PIK3CD: variants seen among roughly 807,000 people sequenced by gnomAD.
PIK3CD encodes phosphatidylinositol 4,5-bisphosphate 3-kinase catalytic subunit delta isoform.
PIK3CD carries 20 observed loss-of-function variants against 122.9 expected under a neutral mutation model. That is an observed-to-expected ratio of 0.16 (90% CI 0.11 to 0.24). The LOEUF (loss-of-function observed/expected upper bound fraction) is 0.24. PIK3CD is among the 10% of genes least tolerant of loss of function. The pLI, the probability that PIK3CD is intolerant of heterozygous loss-of-function variation, is 1.00. For synonymous variants in PIK3CD, 596 were observed against 593.4 expected (o/e 1.00, Z -0.06); for missense variants, 787 against 1,406.3 (o/e 0.56, Z 7.04).
chr1:9,727,336 G>A lies in PIK3CD; in HGVS notation c.*290G>A. The A allele has an allele frequency of 2.0e-6, 1 of 497,156 alleles. No individual in the cohort carries two copies. 30.8% of individuals were successfully genotyped at this position (497,156 alleles called of 1,614,324 possible). On this transcript the variant is annotated 3_prime_UTR_variant, in exon 24 of 24. Transcript: ENST00000377346. ...CAAGTCTTCCAGCTGGTGGATCTGG[G>A]CCCAGCAAAGACTGTTCTCCTCCCG...
rs1355592818 is a variant in PIK3CD, at chr1:9,710,018, A to T, written c.-32-406A>T. Among the ~76,000 whole-genome samples, 1 of 151,820 alleles carries T rather than the reference A, an allele frequency of 6.6e-6. No homozygotes were observed. The highest frequency in any genetic ancestry group is 1.5e-5 in the Non-Finnish European group (1 of 67,938). ...AAGACTCCGGCTCAAAAAAAAAAAAAGAATGTATTTCAAAGAACTGCAGCC... is the reference window on the plus strand; with the variant it reads ...AAGACTCCGGCTCAAAAAAAAAAAATGAATGTATTTCAAAGAACTGCAGCC... On this transcript the variant is annotated intron_variant, in intron 2 of 23. Transcript: ENST00000377346. The surrounding 1 kb of genome is among the most constrained non-coding windows in gnomAD (Gnocchi z 4.7).
the PIK3CD span, among the ~76,000 whole-genome samples, chr1:9,645,824 G>A: frequency 2.6e-5 from 4 of 151,972 alleles, no homozygotes; most frequent in Admixed American, 6.6e-5. Flanking sequence ...CAGCATGGTC[G>A]TGAACCCCTG....
Position 9,717,615 on chromosome 1 carries a change from G to A in PIK3CD, c.1009G>A (p.Glu337Lys). ...LIQGSKVNAD[E>K]RMKLVVQAGL... ...CCAGGGCAGCAAAGTGAACGCCGAC[G>A]AGCGGATGAAGGTGGGGCTCCTGGG... is the stretch of plus-strand genomic sequence containing the variant. The change falls in exon 8 of 24, where the codon GAG becomes AAG. Residue 337 changes from glutamate to lysine, a missense_variant. Transcript: ENST00000377346. The surrounding 1 kb of genome is among the most constrained non-coding windows in gnomAD (Gnocchi z 5.4). The A allele has an allele frequency of 1.2e-6, 2 of 1,614,116 alleles. No individual in the cohort carries two copies. Among genetic ancestry groups the A allele is most frequent in the Middle Eastern group, 1.7e-4 (1 of 6,060 alleles).
intron 1 of PIK3CD, among the ~76,000 whole-genome samples, chr1:9,675,767 G>T (rs57976756): frequency 0.059 from 6,796 of 116,000 alleles, 500 homozygotes; most frequent in African/African-American, 0.19. Context: ...TTTTTGTTTT[G>T]TTTTTTCCTT....
rs954147676 is a variant in PIK3CD, at chr1:9,728,923, A to G, written c.*1877A>G. 6.6e-6 allele frequency: 1 copy of G among 152,248 alleles called. No homozygotes were observed. Among genetic ancestry groups the G allele is most frequent in the African/African-American group, 2.4e-5 (1 of 41,462 alleles). The allele number at this position is 152,248 out of a possible 1,614,324, so 9.4% of individuals were successfully genotyped here. On this transcript the variant is annotated 3_prime_UTR_variant, in exon 24 of 24. Transcript: ENST00000377346. The stretch of plus-strand genomic sequence containing the variant: ...AGTAAAGGCAGATGAAAAGAAAGAA[A>G]AAGCCTTTTTATGTTCTTTTATGTT...
chr1:9,634,004 G>T, the PIK3CD span, among the ~76,000 whole-genome samples: 1 of 151,700 alleles, frequency 6.6e-6, no homozygotes. Flanking sequence ...ACAGGGCCTT[G>T]CTCTGTTGCC....
At chr1:9,684,082 A>G (rs1182571142) in intron 1 of PIK3CD, among the ~76,000 whole-genome samples, 2 of 152,096 alleles carry the variant, frequency 1.3e-5, no homozygotes, top group Non-Finnish European at 1.5e-5. Flanking sequence ...ATGGCTTCTC[A>G]TGGCCTCACC....
At position 9,719,818 on chromosome 1, in the gene PIK3CD, G is replaced by C. The variant is rs1648204798; in HGVS notation, c.1243-103G>C. On this transcript the variant is annotated intron_variant, in intron 9 of 23. Coordinates refer to ENST00000377346, the MANE Select transcript of PIK3CD (RefSeq NM_005026.5). The surrounding 1 kb of genome is among the most constrained non-coding windows in gnomAD (Gnocchi z 5.5). Reference sequence around the variant, plus strand: ...CCAGGGGTCTGGTTGGGAGATGTTAGCTGGGCTCTGGGTCTTCTCGGGTGG... The same window carrying C: ...CCAGGGGTCTGGTTGGGAGATGTTACCTGGGCTCTGGGTCTTCTCGGGTGG... The C allele has an allele frequency of 1.1e-6, 1 of 933,282 alleles. No homozygotes were observed. The highest frequency in any genetic ancestry group is 2.4e-5 in the East Asian group (1 of 41,834). 57.8% of individuals were successfully genotyped at this position (933,282 alleles called of 1,614,324 possible).
intron 1 of PIK3CD, among the ~76,000 whole-genome samples, chr1:9,676,472 C>G (rs1645542742): frequency 6.6e-6 from 1 of 152,224 alleles, no homozygotes; most frequent in South Asian, 2.1e-4. Context: ...TGGCCCTTCC[C>G]CAGTTGGCCT....
rs1358790025 is a variant in PIK3CD, at chr1:9,727,081, G to A, written c.*35G>A. The A allele has an allele frequency of 6.2e-7, 1 of 1,613,524 alleles. No homozygotes were observed. Among genetic ancestry groups the A allele is most frequent in the Non-Finnish European group, 8.5e-7 (1 of 1,179,720 alleles). ...CCAGCCCTGGGCCCAAGAGGAGGCG[G>A]CTGCGGGTCGTGGGGACCAAGCACA... On this transcript the variant is annotated 3_prime_UTR_variant, in exon 24 of 24. Coordinates refer to ENST00000377346, the MANE Select transcript of PIK3CD (RefSeq NM_005026.5).
rs763695379 is a variant in PIK3CD, at chr1:9,722,100, C to T, written c.2181C>T (p.Ala727=). Reference sequence around the variant, plus strand: ...TGCGGCAGGAGGCCTACCTAGAGGCCCTCTCCCACCTGCAGTCCCCACTCG... The same window carrying T: ...TGCGGCAGGAGGCCTACCTAGAGGCTCTCTCCCACCTGCAGTCCCCACTCG... ...LCMRQEAYLE[A]LSHLQSPLDP... The change falls in exon 17 of 24, where the codon GCC becomes GCT. Residue 727 remains alanine, a synonymous_variant. Transcript: ENST00000377346. The surrounding 1 kb of genome is among the most constrained non-coding windows in gnomAD (Gnocchi z 7.6). The T allele has an allele frequency of 5.6e-6, 9 of 1,613,252 alleles. No homozygotes were observed. The highest frequency in any genetic ancestry group is 5.5e-5 in the South Asian group (5 of 91,090).
chr1:9,687,837 G>A (rs1570235028), intron 1 of PIK3CD, among the ~76,000 whole-genome samples: 1 of 152,110 alleles, frequency 6.6e-6, no homozygotes, highest in African/African-American at 2.4e-5. Flanking sequence ...TTCTAGGGAC[G>A]GCCAGGGAAG....
At chr1:9,698,561 C>T (rs1027883892) in intron 2 of PIK3CD, among the ~76,000 whole-genome samples, 2 of 152,230 alleles carry the variant, frequency 1.3e-5, no homozygotes, top group African/African-American at 4.8e-5. Context: ...ATTTTGATGA[C>T]TGCATTCAGT....
chr1:9,681,382 T>A (rs181157489), intron 1 of PIK3CD, among the ~76,000 whole-genome samples: 1 of 152,236 alleles, frequency 6.6e-6, no homozygotes, highest in East Asian at 1.9e-4. Flanking sequence ...GGACTACAGG[T>A]ATGCATCACC....
chr1:9,721,271 C>T, intron 14 of PIK3CD, 23 bp downstream of exon 14: 1 of 1,612,990 alleles, frequency 6.2e-7, no homozygotes, highest in Non-Finnish European at 8.5e-7. Context: ...TGGGCGCTCC[C>T]CACTTCTCCA....
At chr1:9,714,250 G>A (rs564959394) in intron 3 of PIK3CD, among the ~76,000 whole-genome samples, 1 of 152,234 alleles carries the variant, frequency 6.6e-6, no homozygotes, top group South Asian at 2.1e-4. Context: ...TACACATCTC[G>A]ATTTGGTCCC....
At chr1:9,657,235 A>G (rs753011692) in intron 1 of PIK3CD, among the ~76,000 whole-genome samples, 1 of 152,156 alleles carries the variant, frequency 6.6e-6, no homozygotes, top group Non-Finnish European at 1.5e-5. Context: ...AAATCATTTC[A>G]AGATCCTTAA....
chr1:9,712,766 T>TG (rs1482871150), intron 3 of PIK3CD, among the ~76,000 whole-genome samples: 1 of 152,178 alleles, frequency 6.6e-6, no homozygotes, highest in Non-Finnish European at 1.5e-5. Context: ...CCTGGCATGG[T>TG]GGCTCATGCC....
chr1:9,634,051 C>T, the PIK3CD span, among the ~76,000 whole-genome samples: 1 of 151,824 alleles, frequency 6.6e-6, no homozygotes, highest in Admixed American at 6.6e-5. Flanking sequence ...CGGCTCACTG[C>T]AACTTCTACT....
Sources: gnomAD v4.1 joint callset for allele counts (sites outside exome capture counted in the v4.1 genomes callset) on GRCh38, gnomAD v4.1.1 for gene constraint, Gnocchi (gnomAD v3.1) non-coding constraint, MANE v1.5 for transcripts, NCBI Gene and HGNC (gene_info 2026-07-23, HGNC 2026-07-21) for gene names.